The following ARL6IP6 variants were observed in gnomAD, a reference collection of about 807,000 sequenced individuals.
ARL6IP6 encodes the protein ARF like GTPase 6 interacting protein 6.
In ARL6IP6, 22 loss-of-function variants were observed where a neutral mutation model predicts 21.5. The observed-to-expected ratio is 1.02, with a 90% confidence interval of 0.73 to 1.46. The LOEUF (loss-of-function observed/expected upper bound fraction) is 1.46, where lower values mean the gene tolerates loss of function less well. Ranked by LOEUF, ARL6IP6 falls within the 40% of genes most tolerant of loss-of-function variation. The pLI is 0.00. For synonymous variants in ARL6IP6, 164 were observed against 125.3 expected (o/e 1.31, Z -2.06); for missense variants, 388 against 299.8 (o/e 1.29, Z -2.17).
At chr2:152,722,459 A>G (rs1366665199) in intron 2 of ARL6IP6, among the ~76,000 whole-genome samples, 1 of 152,320 alleles carries the variant, frequency 6.6e-6, no homozygotes, top group Non-Finnish European at 1.5e-5. Flanking sequence ...GGCTAATTCA[A>G]TCAGTTTCCT....
chr2:152,741,531 T>C (rs887991032), intron 3 of ARL6IP6, among the ~76,000 whole-genome samples: 3 of 152,168 alleles, frequency 2.0e-5, no homozygotes, highest in African/African-American at 7.2e-5. Context: ...TATTACTGTT[T>C]AGTAAATATT....
At chr2:152,718,438 G>A (rs16831674), upstream of ARL6IP6, 24 of 751,314 alleles carry the variant, frequency 3.2e-5, no homozygotes, top group Non-Finnish European at 4.4e-5. Context: ...TGGTCGAAGC[G>A]CATTCCGCCT....
At chr2:152,720,110 T>A in intron 1 of ARL6IP6, 1 of 20,142 alleles carries the variant, frequency 5.0e-5, no homozygotes, top group Non-Finnish European at 1.1e-4. Context: ...TTTGCAATTC[T>A]GATAGTTTTG....
intron 2 of ARL6IP6, among the ~76,000 whole-genome samples, chr2:152,727,915 T>A (rs1343840672): frequency 6.6e-6 from 1 of 152,206 alleles, no homozygotes; most frequent in Admixed American, 6.5e-5. Flanking sequence ...GTTAGTATCA[T>A]AAAATGCATT....
chr2:152,726,805 T>C (rs1378874876), intron 2 of ARL6IP6, among the ~76,000 whole-genome samples: 1 of 152,214 alleles, frequency 6.6e-6, no homozygotes. Context: ...TTAGTGGCAT[T>C]GCAACTGTCC....
chr2:152,751,571 C>T lies in ARL6IP6; in HGVS notation c.588-8176C>T, dbSNP rs560807500. On this transcript the variant is annotated intron_variant, in intron 3 of 3. Coordinates refer to ENST00000326446, the MANE Select transcript of ARL6IP6 (RefSeq NM_152522.7). ...CAACCTCGAATAACCACAGTTCTACCTTCTACTTCTATGAGCTCATTTTTT... is the reference window on the plus strand; with the variant it reads ...CAACCTCGAATAACCACAGTTCTACTTTCTACTTCTATGAGCTCATTTTTT... Among the ~76,000 whole-genome samples, 10 of 152,136 alleles carry T rather than the reference C, an allele frequency of 6.6e-5. No individual in the cohort carries two copies. The East Asian group carries it at 1.2e-3, about 18-fold the overall frequency.
chr2:152,755,918 C>T (rs921292763), intron 3 of ARL6IP6, among the ~76,000 whole-genome samples: 1 of 152,128 alleles, frequency 6.6e-6, no homozygotes, highest in Non-Finnish European at 1.5e-5. Context: ...TATTCAAATC[C>T]TTTGCCCTTT....
At chr2:152,754,890 C>A (rs1701506202) in intron 3 of ARL6IP6, among the ~76,000 whole-genome samples, 1 of 151,912 alleles carries the variant, frequency 6.6e-6, no homozygotes, top group African/African-American at 2.4e-5. Context: ...GGCAAGCCAC[C>A]CAGGTGCCAA....
At chr2:152,723,236 A>G (rs962302210) in intron 2 of ARL6IP6, among the ~76,000 whole-genome samples, 4 of 152,260 alleles carry the variant, frequency 2.6e-5, no homozygotes, top group African/African-American at 9.6e-5. Flanking sequence ...TGAAGAAACA[A>G]TTTGAAATAT....
chr2:152,740,583 A>C (rs1261201105), intron 3 of ARL6IP6, among the ~76,000 whole-genome samples: 1 of 152,050 alleles, frequency 6.6e-6, no homozygotes, highest in African/African-American at 2.4e-5. Flanking sequence ...AGATGTGTAT[A>C]TATATTTGTG....
rs1358464331 is a variant in ARL6IP6, at chr2:152,761,373, C to G, written c.*1533C>G. On this transcript the variant is annotated 3_prime_UTR_variant, in exon 4 of 4. Transcript: ENST00000326446. ...CTTCCTGCACGCTTAAACTCTTCAC[C>G]CTTTGACTCCAAAGAGCCCTTTCAT... 6.6e-6 allele frequency: 1 copy of G among 152,050 alleles called. No homozygotes were observed. Among genetic ancestry groups the G allele is most frequent in the Admixed American group, 6.6e-5 (1 of 15,244 alleles). The allele number at this position is 152,050 out of a possible 1,614,324, so 9.4% of individuals were successfully genotyped here.
At chr2:152,733,228 T>G (rs554464404) in intron 2 of ARL6IP6, among the ~76,000 whole-genome samples, 122 of 152,290 alleles carry the variant, frequency 8.0e-4, no homozygotes, top group Non-Finnish European at 1.6e-3. Flanking sequence ...TATTTGGGCC[T>G]TCTTCCGAAT....
chr2:152,762,233 C>T lies in ARL6IP6; in HGVS notation c.*2393C>T, dbSNP rs1442734550. 6.6e-6 allele frequency among the ~76,000 whole-genome samples: 1 copy of T among 152,140 alleles called. No individual in the cohort carries two copies. Among genetic ancestry groups the T allele is most frequent in the African/African-American group, 2.4e-5 (1 of 41,436 alleles). On this transcript the variant is annotated 3_prime_UTR_variant, in exon 4 of 4. Transcript: ENST00000326446. ...TGACGAAGCTGGGAAAATGCAAGCC[C>T]AGGAAATGCTGGCAGCTGTAGTTCA... is the stretch of plus-strand genomic sequence containing the variant.
At chr2:152,718,510 C>A, upstream of ARL6IP6, 1 of 1,428,354 alleles carries the variant, frequency 7.0e-7, no homozygotes, top group Non-Finnish European at 9.3e-7. Context: ...CGTGGTTTAC[C>A]CCTGGGCTCT....
chr2:152,741,981 G>C (rs376809723), intron 3 of ARL6IP6, among the ~76,000 whole-genome samples: 10 of 152,250 alleles, frequency 6.6e-5, no homozygotes, highest in African/African-American at 2.4e-4. Flanking sequence ...AGTAAGTTTA[G>C]ATTTTTTGGA....
At chr2:152,717,781 G>A (rs948010175), upstream of ARL6IP6, 2 of 1,213,456 alleles carry the variant, frequency 1.6e-6, no homozygotes, top group South Asian at 3.7e-5. Flanking sequence ...GGGGCAGTGG[G>A]GGTCTGCCAC....
At chr2:152,729,428 G>C (rs985502661) in intron 2 of ARL6IP6, among the ~76,000 whole-genome samples, 1 of 152,092 alleles carries the variant, frequency 6.6e-6, no homozygotes, top group African/African-American at 2.4e-5. Context: ...AAGAACGAAG[G>C]ATGTGTGTAT....
At chr2:152,719,782 A>T in intron 1 of ARL6IP6, 4 of 323,080 alleles carry the variant, frequency 1.2e-5, no homozygotes, top group Non-Finnish European at 1.9e-5. Context: ...AAACAAAAGA[A>T]CTTTGTTGTA....
intron 2 of ARL6IP6, among the ~76,000 whole-genome samples, chr2:152,727,180 T>A (rs1700086505): frequency 6.6e-6 from 1 of 152,202 alleles, no homozygotes; most frequent in Non-Finnish European, 1.5e-5. Context: ...AAAACAGTGA[T>A]ATTACCTTGA....
Sources: allele counts gnomAD v4.1 joint callset (sites outside exome capture counted in the v4.1 genomes callset), GRCh38; gene constraint gnomAD v4.1.1; transcripts MANE v1.5; gene names NCBI Gene and HGNC (gene_info 2026-07-23, HGNC 2026-07-21).